FRMD6: variants seen among roughly 807,000 people sequenced by gnomAD.
FRMD6 encodes FERM domain containing 6.
In FRMD6, 37 loss-of-function variants were observed where a neutral mutation model predicts 73.2. The ratio of observed to expected loss-of-function variants is 0.51; its 90% CI spans 0.39 to 0.66. The LOEUF is 0.66. Among genes scored for constraint, FRMD6 ranks in the 30% least tolerant of loss-of-function variants. The probability of loss-of-function intolerance (pLI) is 0.00; values close to 1 mark genes in which losing one functional copy is unlikely to be tolerated. For synonymous variants in FRMD6, 273 were observed against 282.2 expected (o/e 0.97, Z 0.33); for missense variants, 714 against 780.5 (o/e 0.91, Z 1.02).
intron 1 of FRMD6, chr14:51,565,215 C>T (rs929964110): frequency 3.3e-5 from 5 of 152,230 alleles, no homozygotes; most frequent in African/African-American, 1.2e-4. Flanking sequence ...CAGGACAAGT[C>T]TGGCAACTTT....
intron 2 of FRMD6, among the ~76,000 whole-genome samples, chr14:51,612,505 T>C (rs1386251155): frequency 6.6e-6 from 1 of 152,228 alleles, no homozygotes; most frequent in Non-Finnish European, 1.5e-5. Flanking sequence ...CTACATGACC[T>C]TGGGCCTAAA....
At chr14:51,422,758 T>C in the FRMD6 span, among the ~76,000 whole-genome samples, 1 of 152,218 alleles carries the variant, frequency 6.6e-6, no homozygotes. Context: ...AAAAGACTTT[T>C]TTATGGTGCA....
At position 51,720,157 on chromosome 14, in the gene FRMD6, T is replaced by G. The variant is rs1364499596; in HGVS notation, c.1127T>G (p.Met376Arg). The G allele has an allele frequency of 6.2e-7, 1 of 1,613,904 alleles. No homozygotes were observed. The highest frequency in any genetic ancestry group is 1.1e-5 in the South Asian group (1 of 91,078). ...SRASGSSAGSMKHKRLSRHST... is the reference protein window; with the variant it reads ...SRASGSSAGSRKHKRLSRHST... ...GCCAGCGGGAGCAGTGCGGGCAGCA[T>G]GAAACACAAGCGCCTGTCCCGTCAT... The change falls in exon 11 of 14, where the codon ATG becomes AGG. Residue 376 changes from methionine to arginine, a missense_variant. Coordinates refer to ENST00000344768, the MANE Select transcript of FRMD6 (RefSeq NM_001267046.2).
chr14:51,451,730 C>T, the FRMD6 span, among the ~76,000 whole-genome samples: 3 of 152,196 alleles, frequency 2.0e-5, no homozygotes, highest in African/African-American at 7.2e-5. Flanking sequence ...AAGAGCTTGG[C>T]ACCTCCCCCA....
the FRMD6 span, among the ~76,000 whole-genome samples, chr14:51,432,653 C>T: frequency 6.6e-5 from 10 of 152,324 alleles, no homozygotes; most frequent in African/African-American, 2.4e-4. Context: ...TTTATTGTCA[C>T]AGGAAACCTA....
chr14:51,651,676 C>T (rs1048241105), upstream of FRMD6: 1 of 152,134 alleles, frequency 6.6e-6, no homozygotes, highest in East Asian at 1.9e-4. Context: ...AGTGGCCGCA[C>T]CCCTCCGCGG....
At chr14:51,451,596 G>A in the FRMD6 span, among the ~76,000 whole-genome samples, 1 of 152,178 alleles carries the variant, frequency 6.6e-6, no homozygotes, top group Non-Finnish European at 1.5e-5. Flanking sequence ...GGCCAGGCTG[G>A]TCTTTAACTC....
At chr14:51,416,722 CT>C in the FRMD6 span, among the ~76,000 whole-genome samples, 4 of 152,164 alleles carry the variant, frequency 2.6e-5, no homozygotes, top group African/African-American at 9.7e-5. Context: ...AACCTTCTGT[CT>C]TGTTGATCTG....
At chr14:51,401,904 G>A in the FRMD6 span, among the ~76,000 whole-genome samples, 16 of 152,334 alleles carry the variant, frequency 1.1e-4, no homozygotes, top group African/African-American at 3.4e-4. Context: ...AAAACAGGCC[G>A]TGGAGGGAGT....
At chr14:51,401,529 A>T in the FRMD6 span, among the ~76,000 whole-genome samples, 1 of 152,210 alleles carries the variant, frequency 6.6e-6, no homozygotes, top group African/African-American at 2.4e-5. Context: ...CTCTGAGAGT[A>T]AAAGGATCAG....
chr14:51,692,708 T>C (rs1895687222), intron 2 of FRMD6: 1 of 152,200 alleles, frequency 6.6e-6, no homozygotes, highest in Non-Finnish European at 1.5e-5. Context: ...CTTGAATATA[T>C]ATCAGAATTA....
intron 1 of FRMD6, among the ~76,000 whole-genome samples, chr14:51,658,125 A>G (rs1892968520): frequency 6.6e-6 from 1 of 152,162 alleles, no homozygotes; most frequent in South Asian, 2.1e-4. Flanking sequence ...CAAGCAAGTG[A>G]GTCCATTGGG....
At chr14:51,718,155 A>G (rs1168148439) in intron 10 of FRMD6, among the ~76,000 whole-genome samples, 1 of 152,196 alleles carries the variant, frequency 6.6e-6, no homozygotes, top group Non-Finnish European at 1.5e-5. Context: ...CTCAGTTTGT[A>G]ACTGAACGGT....
At chr14:51,701,868 C>G (rs557362039) in intron 4 of FRMD6, among the ~76,000 whole-genome samples, 2 of 151,962 alleles carry the variant, frequency 1.3e-5, no homozygotes, top group East Asian at 3.9e-4. Flanking sequence ...ACTGTACTTG[C>G]ATTTGATGCT....
intron 9 of FRMD6, among the ~76,000 whole-genome samples, chr14:51,713,075 C>T (rs1897032707): frequency 6.6e-6 from 1 of 152,084 alleles, no homozygotes; most frequent in South Asian, 2.1e-4. Flanking sequence ...CTTGATTTTT[C>T]CCAAGTATTT....
At chr14:51,498,718 C>T (rs1883441780) in intron 1 of FRMD6, among the ~76,000 whole-genome samples, 1 of 152,150 alleles carries the variant, frequency 6.6e-6, no homozygotes, top group East Asian at 1.9e-4. Context: ...ATTTATCGAG[C>T]TTCTAACCAT....
intron 2 of FRMD6, 28 bp from the exon 3 acceptor site, chr14:51,698,114 T>C (rs1896062356): frequency 1.3e-6 from 2 of 1,553,232 alleles, no homozygotes; most frequent in Non-Finnish European, 1.8e-6. Context: ...TGAATTGTTA[T>C]TTTACGTCGT....
chr14:51,598,559 T>G (rs1400041311), intron 2 of FRMD6, among the ~76,000 whole-genome samples: 1 of 152,168 alleles, frequency 6.6e-6, no homozygotes, highest in Non-Finnish European at 1.5e-5. Context: ...CCTTGTCTCC[T>G]TCCCTCTCTC....
At chr14:51,603,703 T>C (rs77889730) in intron 2 of FRMD6, among the ~76,000 whole-genome samples, 2,912 of 152,232 alleles carry the variant, frequency 0.019, 95 homozygotes, top group African/African-American at 0.067. Context: ...CAGTCACTAG[T>C]TACGTAACCT....
Sources: gnomAD v4.1 joint callset for allele counts (sites outside exome capture counted in the v4.1 genomes callset) on GRCh38, gnomAD v4.1.1 for gene constraint, MANE v1.5 for transcripts, NCBI Gene and HGNC (gene_info 2026-07-23, HGNC 2026-07-21) for gene names.